Variants in KIF1B observed in about 807,000 individuals in gnomAD.
The protein encoded by KIF1B is kinesin family member 1B.
Under a neutral mutation model 241.9 loss-of-function variants are expected in KIF1B, and 76 were observed. The ratio of observed to expected loss-of-function variants is 0.31; its 90% CI spans 0.26 to 0.38. The LOEUF (loss-of-function observed/expected upper bound fraction) is 0.38. KIF1B is among the 10% of genes least tolerant of loss of function. The pLI is 1.00. For synonymous variants in KIF1B, 750 were observed against 796.7 expected, an observed-to-expected ratio of 0.94 and a Z score of 0.99; for missense variants, 1,622 against 2,271.4, an observed-to-expected ratio of 0.71 and a Z score of 5.81.
At chr1:10,298,089 G>C (rs1023925993) in intron 22 of KIF1B, among the ~76,000 whole-genome samples, 3 of 152,154 alleles carry the variant, frequency 2.0e-5, no homozygotes, top group Non-Finnish European at 4.4e-5. Flanking sequence ...CAAAGCTGTG[G>C]TTATAAGAAC....
intron 24 of KIF1B, among the ~76,000 whole-genome samples, chr1:10,323,625 G>A (rs901380289): frequency 2.0e-5 from 3 of 152,106 alleles, no homozygotes; most frequent in African/African-American, 4.8e-5. Context: ...TGTCCCCACC[G>A]TGCCTCCCCT....
intron 34 of KIF1B, among the ~76,000 whole-genome samples, chr1:10,345,347 T>C (rs1279393055): frequency 2.0e-5 from 3 of 152,188 alleles, no homozygotes; most frequent in Non-Finnish European, 4.4e-5. Flanking sequence ...TGTGATTTAA[T>C]TGATCTGGGA....
chr1:10,342,458 A>T (rs75774294), intron 33 of KIF1B, among the ~76,000 whole-genome samples: 2,572 of 148,170 alleles, frequency 0.017, 64 homozygotes, highest in African/African-American at 0.058. Flanking sequence ...GAAAATTGTT[A>T]AAAATTGTTC....
chr1:10,216,857 G>T (rs11800418), intron 1 of KIF1B, among the ~76,000 whole-genome samples: 4,753 of 151,130 alleles, frequency 0.031, 273 homozygotes, highest in African/African-American at 0.11. Flanking sequence ...TGAGAAAGAG[G>T]TTACTCTGTC....
At chr1:10,240,095 G>C (rs1647114434) in intron 2 of KIF1B, among the ~76,000 whole-genome samples, 1 of 152,116 alleles carries the variant, frequency 6.6e-6, no homozygotes, top group Non-Finnish European at 1.5e-5. Context: ...GCAGAGACAG[G>C]GTTTCCCCGT....
intron 22 of KIF1B, among the ~76,000 whole-genome samples, chr1:10,302,570 T>C (rs775212322): frequency 6.6e-6 from 1 of 152,230 alleles, no homozygotes; most frequent in African/African-American, 2.4e-5. Flanking sequence ...CTAGGGCTGC[T>C]CTTTTTAGTA....
chr1:10,226,707 A>G (rs770856163), intron 1 of KIF1B, among the ~76,000 whole-genome samples: 3 of 152,126 alleles, frequency 2.0e-5, no homozygotes, highest in African/African-American at 7.2e-5. Context: ...GGTGGTTCAC[A>G]CCTGTAATCC....
chr1:10,289,396 A>G (rs1649874294), intron 15 of KIF1B, among the ~76,000 whole-genome samples: 1 of 152,178 alleles, frequency 6.6e-6, no homozygotes, highest in South Asian at 2.1e-4. Flanking sequence ...CACTCTCAGC[A>G]TACCCACATG....
chr1:10,287,576 T>G (rs1191352516), intron 15 of KIF1B, among the ~76,000 whole-genome samples: 2 of 152,182 alleles, frequency 1.3e-5, no homozygotes, highest in African/African-American at 4.8e-5. Context: ...CTAGACAACC[T>G]AAAAATTGCA....
chr1:10,217,069 A>T (rs1646778705), intron 1 of KIF1B, among the ~76,000 whole-genome samples: 1 of 133,294 alleles, frequency 7.5e-6, no homozygotes, highest in East Asian at 2.3e-4. Context: ...TGCCTCCCGG[A>T]TTCAAGTGAT....
intron 27 of KIF1B, among the ~76,000 whole-genome samples, chr1:10,328,625 C>T (rs1651809125): frequency 6.6e-6 from 1 of 152,250 alleles, no homozygotes; most frequent in African/African-American, 2.4e-5. Context: ...GAAGTTAAAA[C>T]CCAGTTTCTG....
chr1:10,359,909 T>G (rs1638367584), intron 38 of KIF1B, among the ~76,000 whole-genome samples: 1 of 151,954 alleles, frequency 6.6e-6, no homozygotes. Context: ...GGTGCGTGCC[T>G]ATAATCCCAG....
chr1:10,286,812 GAGTT>G, intron 15 of KIF1B, among the ~76,000 whole-genome samples: 1 of 152,038 alleles, frequency 6.6e-6, no homozygotes, highest in Non-Finnish European at 1.5e-5. Flanking sequence ...GCTTAAAGAA[GAGTT>G]CCTGGTGTCC....
chr1:10,342,980 A>G (rs992264571), intron 33 of KIF1B, among the ~76,000 whole-genome samples: 1 of 152,246 alleles, frequency 6.6e-6, no homozygotes, highest in East Asian at 1.9e-4. Flanking sequence ...CAGAACTTCA[A>G]ATCTGCAAAT....
chr1:10,271,384 T>C, intron 7 of KIF1B, 118 bp from the exon 8 acceptor site: 1 of 788,626 alleles, frequency 1.3e-6, no homozygotes, highest in South Asian at 1.3e-5. Context: ...ATTTAAAAGC[T>C]CTAATACTTT....
chr1:10,327,776 T>G (rs1651779354), intron 27 of KIF1B, among the ~76,000 whole-genome samples: 1 of 152,326 alleles, frequency 6.6e-6, no homozygotes, highest in Non-Finnish European at 1.5e-5. Context: ...AAATTTAAAT[T>G]TAATGGTACA....
At chr1:10,283,206 C>CAAAA (rs33994771) in intron 15 of KIF1B, among the ~76,000 whole-genome samples, 2 of 61,570 alleles carry the variant, frequency 3.2e-5, no homozygotes, top group Non-Finnish European at 6.3e-5. Flanking sequence ...GACTCCGTCT[C>CAAAA]AAAAAAAAAA....
At position 10,374,570 on chromosome 1, in the gene KIF1B, A is replaced by T; in HGVS notation, c.5096+105A>T. On this transcript the variant is annotated intron_variant, in intron 46 of 48. Transcript: ENST00000676179. The surrounding 1 kb of genome is among the most constrained non-coding windows in gnomAD (Gnocchi z 4.3). Reference sequence around the variant, plus strand: ...GAGGTCTGTACTGTAGTCTGATGCAATCTGTACTGTAGTCTGATGCAAGTT... The same window carrying T: ...GAGGTCTGTACTGTAGTCTGATGCATTCTGTACTGTAGTCTGATGCAAGTT... 1 of 1,323,272 alleles carries T rather than the reference A, an allele frequency of 7.6e-7. No individual in the cohort carries two copies. Among genetic ancestry groups the T allele is most frequent in the Non-Finnish European group, 1.1e-6 (1 of 923,418 alleles). 82.0% of individuals were successfully genotyped at this position (1,323,272 alleles called of 1,614,324 possible).
Position 10,372,497 on chromosome 1 carries a change from T to C in KIF1B, c.4946+1235T>C, listed in dbSNP as rs952278515. Among the ~76,000 whole-genome samples, 11 of 151,410 alleles carry C rather than the reference T, an allele frequency of 7.3e-5. No individual in the cohort carries two copies. The East Asian group carries it at 2.0e-3, about 28-fold the overall frequency. On this transcript the variant is annotated intron_variant, in intron 45 of 48. Coordinates refer to ENST00000676179, the MANE Select transcript of KIF1B (RefSeq NM_001365951.3). ...GCTGCAATGAGCCATGGTTGCACCA[T>C]TGCACTCCAGCCTGGGTGACAGAGC...
Sources: gnomAD v4.1 joint callset for allele counts (sites outside exome capture counted in the v4.1 genomes callset) on GRCh38, gnomAD v4.1.1 for gene constraint, Gnocchi (gnomAD v3.1) non-coding constraint, MANE v1.5 for transcripts, NCBI Gene and HGNC (gene_info 2026-07-23, HGNC 2026-07-21) for gene names.